Variants in AGMO observed in about 807,000 individuals in gnomAD.
AGMO encodes the protein alkylglycerol monooxygenase.
In AGMO, 75 loss-of-function variants were observed where a neutral mutation model predicts 60.2. That is an observed-to-expected ratio of 1.25 (90% CI 1.03 to 1.51). The LOEUF (loss-of-function observed/expected upper bound fraction) is 1.51, where lower values mean the gene tolerates loss of function less well. Ranked by LOEUF, AGMO falls within the 40% of genes most tolerant of loss-of-function variation. The pLI is 0.00. For missense variants in AGMO, 763 were observed against 525.5 expected, an observed-to-expected ratio of 1.45 and a Z score of -4.42; for synonymous variants, 261 against 177.1, an observed-to-expected ratio of 1.47 and a Z score of -3.76.
Position 15,394,123 on chromosome 7 carries a change from C to T in AGMO, c.666G>A (p.Arg222=), listed in dbSNP as rs750140675. ...ACAAAACTTCCTTACCATGATGAAC[C>T]CTATGATGGCTAGGAGTATTAAGAA... ...ELILNTPSHH[R]VHHGRNRYCI... The change falls in exon 6 of 13, where the codon AGG becomes AGA. Residue 222 remains arginine (R), a synonymous_variant. Transcript: ENST00000342526. 1 of 1,610,410 alleles carries T rather than the reference C, an allele frequency of 6.2e-7. No individual in the cohort carries two copies. The highest frequency in any genetic ancestry group is 1.7e-5 in the Admixed American group (1 of 59,798).
intron 12 of AGMO, among the ~76,000 whole-genome samples, chr7:15,329,121 A>T (rs1200162492): frequency 6.6e-6 from 1 of 152,118 alleles, no homozygotes; most frequent in African/African-American, 2.4e-5. Flanking sequence ...ACTTACCACT[A>T]TGTGCATACT....
intron 3 of AGMO, among the ~76,000 whole-genome samples, chr7:15,447,644 A>G (rs1781735262): frequency 6.6e-6 from 1 of 151,994 alleles, no homozygotes; most frequent in African/African-American, 2.4e-5. Flanking sequence ...TCCACCTCCC[A>G]GGTTCAAGTG....
rs1380377584 is a variant in AGMO at position 15,523,168 on chromosome 7, G to C, written c.409+21604C>G. Among the ~76,000 whole-genome samples, 5 of 152,080 alleles carry C rather than the reference G, an allele frequency of 3.3e-5. No homozygotes were observed. The East Asian group carries it at 9.7e-4, about 29-fold the overall frequency. On this transcript the variant is annotated intron_variant, in intron 3 of 12. Transcript: ENST00000342526. ...ATACCATCTCACACCAGTTAGAATG[G>C]CAATCATTAAAAAACAGATGCTGGA...
chr7:15,253,252 A>C (rs1032209905), intron 12 of AGMO, among the ~76,000 whole-genome samples: 1 of 152,170 alleles, frequency 6.6e-6, no homozygotes, highest in South Asian at 2.1e-4. Flanking sequence ...AGGAACAAAA[A>C]AAGTGTGCAT....
intron 9 of AGMO, 48 bp downstream of exon 9, chr7:15,387,358 C>T: frequency 2.5e-6 from 4 of 1,593,760 alleles, no homozygotes; most frequent in Non-Finnish European, 3.4e-6. Flanking sequence ...GTAGACCTGA[C>T]AATATGAGAC....
chr7:15,413,839 T>G (rs1312207465), intron 5 of AGMO, among the ~76,000 whole-genome samples: 2 of 152,020 alleles, frequency 1.3e-5, no homozygotes, highest in Non-Finnish European at 2.9e-5. Context: ...TGAAAAGAAA[T>G]AATAACAGTT....
chr7:15,127,876 G>C, the AGMO span, among the ~76,000 whole-genome samples: 26 of 152,002 alleles, frequency 1.7e-4, no homozygotes, highest in African/African-American at 6.0e-4. Context: ...GAATCCATCT[G>C]ATTTCATGTT....
At chr7:15,165,859 T>C in the AGMO span, among the ~76,000 whole-genome samples, 4,947 of 152,268 alleles carry the variant, frequency 0.032, 101 homozygotes, top group Non-Finnish European at 0.044. Context: ...CTAAAGCATA[T>C]TATTGCTCCA....
intron 12 of AGMO, among the ~76,000 whole-genome samples, chr7:15,335,493 T>C (rs1298547839): frequency 6.6e-6 from 1 of 152,180 alleles, no homozygotes; most frequent in Admixed American, 6.5e-5. Flanking sequence ...GCTTCAGTGA[T>C]TTTATGGTGC....
At chr7:15,394,353 T>C (rs1465796270) in intron 5 of AGMO, among the ~76,000 whole-genome samples, 174 bp from the exon 6 acceptor site, 1 of 152,136 alleles carries the variant, frequency 6.6e-6, no homozygotes, top group Non-Finnish European at 1.5e-5. Context: ...AAGACAATAG[T>C]AATCTCAAAA....
intron 10 of AGMO, among the ~76,000 whole-genome samples, chr7:15,373,817 C>G (rs948477299): frequency 3.9e-5 from 6 of 152,186 alleles, no homozygotes; most frequent in African/African-American, 1.4e-4. Flanking sequence ...CAAGTTGGTA[C>G]GTTTTTAGTA....
At chr7:15,160,634 T>C in the AGMO span, among the ~76,000 whole-genome samples, 66 of 152,242 alleles carry the variant, frequency 4.3e-4, no homozygotes, top group South Asian at 6.0e-3. Flanking sequence ...AAATTCCATA[T>C]GGAAAGGAAC....
At chr7:15,438,526 A>G (rs1157752851) in intron 3 of AGMO, among the ~76,000 whole-genome samples, 3 of 152,144 alleles carry the variant, frequency 2.0e-5, no homozygotes, top group Non-Finnish European at 4.4e-5. Context: ...GCCCCTTACC[A>G]CCTTGATAGG....
intron 12 of AGMO, among the ~76,000 whole-genome samples, chr7:15,290,143 C>T (rs893577029): frequency 2.6e-5 from 4 of 151,610 alleles, no homozygotes; most frequent in Admixed American, 6.6e-5. Context: ...GATTCTCCTA[C>T]CTCAGCCTCC....
chr7:15,535,404 A>G (rs1183299382), intron 3 of AGMO, among the ~76,000 whole-genome samples: 1 of 151,954 alleles, frequency 6.6e-6, no homozygotes, highest in Non-Finnish European at 1.5e-5. Context: ...TGAAGTTAAA[A>G]TAAGAAAATT....
At chr7:15,209,504 T>C (rs1163412124) in intron 12 of AGMO, among the ~76,000 whole-genome samples, 1 of 152,196 alleles carries the variant, frequency 6.6e-6, no homozygotes, top group Non-Finnish European at 1.5e-5. Context: ...TCTTTCGTAT[T>C]GTTTTTGTTT....
intron 5 of AGMO, among the ~76,000 whole-genome samples, chr7:15,402,650 ACC>A (rs1784583064): frequency 2.8e-5 from 4 of 143,328 alleles, no homozygotes; most frequent in African/African-American, 8.2e-5. Context: ...ATATATATTA[ACC>A]TTATTAAATA....
intron 3 of AGMO, among the ~76,000 whole-genome samples, chr7:15,511,664 A>G (rs1304038095): frequency 6.6e-6 from 1 of 152,204 alleles, no homozygotes; most frequent in African/African-American, 2.4e-5. Flanking sequence ...TAACTATGTG[A>G]GGTAATGCAC....
At position 15,502,238 on chromosome 7, in the gene AGMO, A is replaced by C. The variant is rs373220478; in HGVS notation, c.409+42534T>G. On this transcript the variant is annotated intron_variant, in intron 3 of 12. Coordinates refer to ENST00000342526, the MANE Select transcript of AGMO (RefSeq NM_001004320.2). ...CTCTGATTCTTTTGCACTGTTTCAGACTAGAGGAGATCAACTGAGTCCAGC... is the reference window on the plus strand; with the variant it reads ...CTCTGATTCTTTTGCACTGTTTCAGCCTAGAGGAGATCAACTGAGTCCAGC... Among the ~76,000 whole-genome samples the C allele has an allele frequency of 3.3e-5, 5 of 151,978 alleles. 1 individual carries two copies. In the East Asian group the frequency reaches 5.8e-4, roughly 18 times the overall value.
Sources: allele counts gnomAD v4.1 joint callset (sites outside exome capture counted in the v4.1 genomes callset), GRCh38; gene constraint gnomAD v4.1.1; transcripts MANE v1.5; gene names NCBI Gene and HGNC (gene_info 2026-07-23, HGNC 2026-07-21).